BMAL2: variants seen among roughly 807,000 people sequenced by gnomAD.
The protein encoded by BMAL2 is basic helix-loop-helix ARNT-like protein 2.
chr12:27,420,309 C>T, the BMAL2 span: 1 of 1,546,292 alleles, frequency 6.5e-7, no homozygotes, highest in South Asian at 1.2e-5. Context: ...CATTTTTTAT[C>T]ACAATCATTT....
At chr12:27,415,532 G>A in the BMAL2 span, among the ~76,000 whole-genome samples, 1 of 152,084 alleles carries the variant, frequency 6.6e-6, no homozygotes. Flanking sequence ...CTGCCATTTG[G>A]TATCTTGAGG....
the BMAL2 span, chr12:27,416,002 C>T: frequency 1.6e-6 from 2 of 1,243,182 alleles, no homozygotes; most frequent in Non-Finnish European, 2.3e-6. Context: ...ATAAAATTTG[C>T]CCCTTGTTGA....
At chr12:27,374,542 G>T in the BMAL2 span, among the ~76,000 whole-genome samples, 2 of 152,178 alleles carry the variant, frequency 1.3e-5, no homozygotes, top group East Asian at 3.8e-4. Flanking sequence ...TATAATTCCA[G>T]ACTATTAGGA....
the BMAL2 span, among the ~76,000 whole-genome samples, chr12:27,362,592 C>T: frequency 3.3e-5 from 5 of 152,062 alleles, no homozygotes; most frequent in Admixed American, 3.3e-4. Flanking sequence ...CGAAGAGAAC[C>T]ACTGTTCTGA....
At chr12:27,349,591 G>A in the BMAL2 span, among the ~76,000 whole-genome samples, 1 of 152,164 alleles carries the variant, frequency 6.6e-6, no homozygotes, top group African/African-American at 2.4e-5. Flanking sequence ...ATATGAGGAT[G>A]GAAAGGCACA....
chr12:27,336,749 G>T, the BMAL2 span, among the ~76,000 whole-genome samples: 1 of 152,022 alleles, frequency 6.6e-6, no homozygotes, highest in Non-Finnish European at 1.5e-5. Context: ...TCAGGAGTTT[G>T]AAACCAGCCT....
the BMAL2 span, among the ~76,000 whole-genome samples, chr12:27,364,441 T>C: frequency 4.6e-5 from 7 of 152,168 alleles, no homozygotes; most frequent in Non-Finnish European, 5.9e-5. Flanking sequence ...TTATTTTTTT[T>C]CCCCACATTG....
chr12:27,356,754 G>C, the BMAL2 span, among the ~76,000 whole-genome samples: 1 of 151,976 alleles, frequency 6.6e-6, no homozygotes, highest in East Asian at 1.9e-4. Context: ...CATTACGTAA[G>C]CATTTATTTT....
chr12:27,367,787 T>C, the BMAL2 span, among the ~76,000 whole-genome samples: 1 of 150,572 alleles, frequency 6.6e-6, no homozygotes, highest in Non-Finnish European at 1.5e-5. Flanking sequence ...AATGTGTGTA[T>C]ATATATAATG....
At chr12:27,413,991 C>G in the BMAL2 span, among the ~76,000 whole-genome samples, 1 of 151,930 alleles carries the variant, frequency 6.6e-6, no homozygotes, top group Non-Finnish European at 1.5e-5. Context: ...GTTACCATAC[C>G]TGTGAATGAC....
the BMAL2 span, among the ~76,000 whole-genome samples, chr12:27,350,994 C>CCCCCCCCT: frequency 6.4e-5 from 6 of 94,276 alleles, no homozygotes; most frequent in Non-Finnish European, 6.2e-5. Context: ...CCCACCCCCC[C>CCCCCCCCT]TTTTTTTTTT....
At chr12:27,347,124 T>C in the BMAL2 span, among the ~76,000 whole-genome samples, 1 of 152,144 alleles carries the variant, frequency 6.6e-6, no homozygotes, top group Admixed American at 6.5e-5. Flanking sequence ...TATTGATAAA[T>C]TACCTAGTCT....
At chr12:27,396,941 C>T in the BMAL2 span, among the ~76,000 whole-genome samples, 2 of 152,204 alleles carry the variant, frequency 1.3e-5, no homozygotes, top group East Asian at 1.9e-4. Context: ...ATTTTGTCTT[C>T]TGCTTTAACC....
chr12:27,379,172 T>C, the BMAL2 span, among the ~76,000 whole-genome samples: 1 of 152,230 alleles, frequency 6.6e-6, no homozygotes, highest in East Asian at 1.9e-4. Context: ...ATAAACCCTA[T>C]AGAAGGAAGA....
chr12:27,343,737 G>A, the BMAL2 span, among the ~76,000 whole-genome samples: 3 of 152,200 alleles, frequency 2.0e-5, no homozygotes, highest in Non-Finnish European at 4.4e-5. Flanking sequence ...CTGATGAACT[G>A]TGGTTTCTTG....
At chr12:27,389,994 C>A in the BMAL2 span, 1 of 1,419,142 alleles carries the variant, frequency 7.0e-7, no homozygotes, top group Non-Finnish European at 9.7e-7. Context: ...AAACTGTTTC[C>A]TTTCTCAATA....
chr12:27,403,090 T>TG, the BMAL2 span, among the ~76,000 whole-genome samples: 5 of 152,210 alleles, frequency 3.3e-5, no homozygotes, highest in Admixed American at 6.5e-5. Flanking sequence ...CGAAAAGTAT[T>TG]GGGGGAGTTT....
chr12:27,348,609 T>C, the BMAL2 span, among the ~76,000 whole-genome samples: 1 of 152,184 alleles, frequency 6.6e-6, no homozygotes, highest in Non-Finnish European at 1.5e-5. Context: ...ATATTTTCCT[T>C]ATACTTTTTA....
At chr12:27,349,492 A>C in the BMAL2 span, among the ~76,000 whole-genome samples, 1 of 152,128 alleles carries the variant, frequency 6.6e-6, no homozygotes, top group Non-Finnish European at 1.5e-5. Flanking sequence ...TATAGTTCTG[A>C]TTTAATCTTG....
Sources: allele counts gnomAD v4.1 joint callset (sites outside exome capture counted in the v4.1 genomes callset), GRCh38; gene constraint gnomAD v4.1.1; transcripts MANE v1.5; gene names NCBI Gene and HGNC (gene_info 2026-07-23, HGNC 2026-07-21).